KIF13A: variants seen among roughly 807,000 people sequenced by gnomAD.
KIF13A encodes the protein kinesin-like protein KIF13A.
Under a neutral mutation model 212.2 loss-of-function variants are expected in KIF13A, and 79 were observed. That is an observed-to-expected ratio of 0.37 (90% confidence interval 0.31 to 0.45). KIF13A has a LOEUF of 0.45. Among genes scored for constraint, KIF13A ranks in the 20% least tolerant of loss-of-function variants. The pLI is 1.00. For missense variants in KIF13A, 1,901 were observed against 2,209.0 expected (o/e 0.86, Z 2.79); for synonymous variants, 789 against 808.6 (o/e 0.98, Z 0.41).
chr6:17,841,999 ACGTGTGTG>A (rs1197913693), intron 9 of KIF13A, among the ~76,000 whole-genome samples: 7 of 108,794 alleles, frequency 6.4e-5, no homozygotes, highest in Non-Finnish European at 1.4e-4. Context: ...ATATACACAT[ACGTGTGTG>A]TGTGTGTGTG....
At chr6:17,774,516 G>A (rs569107811) in intron 35 of KIF13A, among the ~76,000 whole-genome samples, 1 of 152,240 alleles carries the variant, frequency 6.6e-6, no homozygotes, top group East Asian at 1.9e-4. Context: ...GCTCATGCCT[G>A]TAATCCAAAC....
In KIF13A at chr6:17,947,712, G is replaced by T. The variant is rs1777525309; in HGVS notation, c.146+39342C>A. 1.3e-5 allele frequency among the ~76,000 whole-genome samples: 2 copies of T among 152,082 alleles called. No homozygotes were observed. Among genetic ancestry groups the T allele is most frequent in the Non-Finnish European group, 2.9e-5 (2 of 68,020 alleles). ...AAAAATTAGCCAGGCATGGTGGCGG[G>T]TGCCTGTAATCCCAGCTACTCAAGA... On this transcript the variant is annotated intron_variant, in intron 2 of 38. Transcript: ENST00000259711. This position sits in a 1 kb window ranked among gnomAD's most constrained non-coding sequence, Gnocchi z 4.6.
At chr6:17,763,241 T>C (rs140074777), downstream of KIF13A, among the ~76,000 whole-genome samples, 4 of 152,202 alleles carry the variant, frequency 2.6e-5, no homozygotes, top group South Asian at 4.1e-4. Context: ...TCCCAACACT[T>C]TGGGAGGCCA....
chr6:17,878,744 G>A (rs1770796392), intron 3 of KIF13A, among the ~76,000 whole-genome samples: 1 of 152,144 alleles, frequency 6.6e-6, no homozygotes. Context: ...AACAATCAAA[G>A]AGTTAATCAT....
At chr6:17,792,217 A>AG (rs1761642968) in intron 25 of KIF13A, among the ~76,000 whole-genome samples, 1 of 150,404 alleles carries the variant, frequency 6.6e-6, no homozygotes, top group African/African-American at 2.4e-5. Context: ...AAAAAAAAAA[A>AG]GCAGCAAATA....
chr6:17,780,606 A>G, intron 31 of KIF13A, 124 bp downstream of exon 31: 1 of 844,130 alleles, frequency 1.2e-6, no homozygotes. Context: ...GAATCAGACT[A>G]TAACTTGGCC....
chr6:17,933,424 T>TG (rs71002287), intron 2 of KIF13A, among the ~76,000 whole-genome samples: 1 of 147,278 alleles, frequency 6.8e-6, no homozygotes, highest in East Asian at 2.0e-4. Context: ...TTTTTTTTTT[T>TG]GTAGAGACAA....
At position 17,960,814 on chromosome 6, in the gene KIF13A, G is replaced by C. The variant is rs1482923226; in HGVS notation, c.146+26240C>G. ...GTGCAGGAGAAACAGCAAAGTAAAAGTGAAATGAGCTGGGAAGAAGCCCCT... is the reference window on the plus strand; with the variant it reads ...GTGCAGGAGAAACAGCAAAGTAAAACTGAAATGAGCTGGGAAGAAGCCCCT... On this transcript the variant is annotated intron_variant, in intron 2 of 38. Transcript: ENST00000259711. Among the ~76,000 whole-genome samples, 4 of 152,210 alleles carry C rather than the reference G, an allele frequency of 2.6e-5. 1 individual carries two copies. The East Asian group carries it at 7.7e-4, about 29-fold the overall frequency.
intron 3 of KIF13A, among the ~76,000 whole-genome samples, chr6:17,894,826 C>T (rs1234881830): frequency 1.3e-5 from 2 of 152,106 alleles, no homozygotes; most frequent in Non-Finnish European, 2.9e-5. Context: ...CATCCCTATC[C>T]CAACTCCCTC....
At position 17,987,226 on chromosome 6, in the gene KIF13A, G is replaced by A. The variant is rs572834554; in HGVS notation, c.56-82C>T. The A allele has an allele frequency of 7.8e-5, 97 of 1,246,990 alleles. No individual in the cohort carries two copies. The South Asian group carries it at 1.3e-3, about 17-fold the overall frequency. The allele number at this position is 1,246,990 out of a possible 1,614,324, so 77.2% of individuals were successfully genotyped here. A position where few individuals can be genotyped will look rare whatever the true frequency, so the allele number is the denominator to read the frequency against. On this transcript the variant is annotated intron_variant, in intron 1 of 38. Coordinates refer to ENST00000259711, the MANE Select transcript of KIF13A (RefSeq NM_022113.6). This position sits in a 1 kb window ranked among gnomAD's most constrained non-coding sequence, Gnocchi z 7.7. ...CCGCCCGCCAGCCGCGCCGAGCGGG[G>A]CTCCGTCCCTGGAGGCGGCCGAGCC...
rs760982040 is a variant in KIF13A at position 17,764,437 on chromosome 6, G to T, written c.5091C>A (p.Gly1697=). The T allele has an allele frequency of 1.9e-6, 3 of 1,614,018 alleles. No individual in the cohort carries two copies. The highest frequency in any genetic ancestry group is 2.5e-6 in the Non-Finnish European group (3 of 1,179,908). Reference sequence around the variant, plus strand: ...GGCAGGCATCTAGTTCTGAACATGAGCCAGTCCTGCACAGTGATTTGGAGT... The same window carrying T: ...GGCAGGCATCTAGTTCTGAACATGATCCAGTCCTGCACAGTGATTTGGAGT... ...EKNSKSLCRT[G]SCSELDACPS... Residue 1697 remains glycine (G), a synonymous_variant, in exon 39 of 39, where the codon GGC becomes GGA. Transcript: ENST00000259711. The surrounding 1 kb of genome is among the most constrained non-coding windows in gnomAD (Gnocchi z 5.1).
At chr6:17,954,844 A>G (rs1476095920) in intron 2 of KIF13A, among the ~76,000 whole-genome samples, 1 of 152,038 alleles carries the variant, frequency 6.6e-6, no homozygotes, top group African/African-American at 2.4e-5. Flanking sequence ...TGGCTAATTA[A>G]GAAAAAAAAT....
intron 29 of KIF13A, 39 bp from the exon 30 acceptor site, chr6:17,781,340 A>T: frequency 6.6e-7 from 1 of 1,516,866 alleles, no homozygotes; most frequent in Non-Finnish European, 8.8e-7. Context: ...AGTAGGGGAA[A>T]GTCAGTTTTT....
At chr6:17,922,608 T>TAA (rs11285603) in intron 2 of KIF13A, among the ~76,000 whole-genome samples, 9 of 145,222 alleles carry the variant, frequency 6.2e-5, no homozygotes, top group African/African-American at 1.0e-4. Context: ...ATGAAAAACT[T>TAA]AAAAAAAAAA....
chr6:17,765,872 T>C (rs569632550), intron 38 of KIF13A, among the ~76,000 whole-genome samples: 1 of 152,360 alleles, frequency 6.6e-6, no homozygotes, highest in South Asian at 2.1e-4. Context: ...TTTTAAAATA[T>C]GTCTTTCATT....
chr6:17,942,239 T>C lies in KIF13A; in HGVS notation c.147-44059A>G, dbSNP rs938365267. ...ATTACTTGAGCCCAGGAAGTCCAGA[T>C]TGCAGTGAACCATGATCATGCCACT... On this transcript the variant is annotated intron_variant, in intron 2 of 38. Coordinates refer to ENST00000259711, the MANE Select transcript of KIF13A (RefSeq NM_022113.6). Among the ~76,000 whole-genome samples the C allele has an allele frequency of 4.0e-5, 6 of 151,824 alleles. 1 individual carries two copies. The highest frequency in any genetic ancestry group is 3.9e-4 in the Admixed American group (6 of 15,208).
chr6:17,896,929 G>A (rs1355823457), intron 3 of KIF13A, among the ~76,000 whole-genome samples: 2 of 152,130 alleles, frequency 1.3e-5, no homozygotes, highest in African/African-American at 4.8e-5. Flanking sequence ...CTAGATAAAC[G>A]GCACTTATAC....
In KIF13A at chr6:17,764,214, T is replaced by A. The variant is rs762867292; in HGVS notation, c.5314A>T (p.Thr1772Ser). ...GGGTGGTGGAGCCCATCGGAGACAG[T>A]CTTGCCGCCTGTTTTATTTGGTAGA... The part of the protein sequence containing the change: ...RSLPNKTGGK[T>S]VSDGLHHPSQ... Residue 1772 changes from threonine to serine, a missense_variant, in exon 39 of 39, where the codon ACT (threonine) becomes TCT (serine). Around this residue, in one of 5 missense-constraint regions of KIF13A, gnomAD observed 687 missense variants for 759.1 expected, o/e 0.90. Transcript: ENST00000259711. This position sits in a 1 kb window ranked among gnomAD's most constrained non-coding sequence, Gnocchi z 5.1. The A allele has an allele frequency of 1.9e-6, 3 of 1,614,028 alleles. No homozygotes were observed. Among genetic ancestry groups the A allele is most frequent in the Non-Finnish European group, 2.5e-6 (3 of 1,179,906 alleles).
In KIF13A at chr6:17,850,284, T is replaced by C; in HGVS notation, c.717+39A>G. On this transcript the variant is annotated intron_variant, in intron 8 of 38. Transcript: ENST00000259711. The surrounding 1 kb of genome is among the most constrained non-coding windows in gnomAD (Gnocchi z 6.2). ...TACCTATATGGACACTTTCAGTTCT[T>C]CCACCCCCACTCCAAAAAGGTTCTG... 6.4e-7 allele frequency: 1 copy of C among 1,571,056 alleles called. No individual in the cohort carries two copies. Among genetic ancestry groups the C allele is most frequent in the Non-Finnish European group, 8.7e-7 (1 of 1,155,286 alleles).
Sources: allele counts gnomAD v4.1 joint callset (sites outside exome capture counted in the v4.1 genomes callset), GRCh38; gene constraint gnomAD v4.1.1; regional missense constraint gnomAD v4.1.1; non-coding constraint Gnocchi (gnomAD v3.1); transcripts MANE v1.5; gene names NCBI Gene and HGNC (gene_info 2026-07-23, HGNC 2026-07-21).